Variants in NRG2 observed in about 807,000 individuals in gnomAD.
The protein encoded by NRG2 is neuregulin 2.
In NRG2, 27 loss-of-function variants were observed where a neutral mutation model predicts 73.9. The observed-to-expected ratio is 0.37, with a 90% CI of 0.27 to 0.50. NRG2 has a LOEUF of 0.50. NRG2 is among the 20% of genes least tolerant of loss of function. The pLI is 0.96. For synonymous variants in NRG2, 532 were observed against 541.0 expected (o/e 0.98, Z 0.23); for missense variants, 1,126 against 1,210.1 (o/e 0.93, Z 1.03).
chr5:139,850,118 C>G (rs1761316973), intron 9 of NRG2, among the ~76,000 whole-genome samples: 1 of 152,240 alleles, frequency 6.6e-6, no homozygotes, highest in Non-Finnish European at 1.5e-5. Flanking sequence ...CCCCTTCCTA[C>G]CACCCATTAA....
At chr5:139,943,294 G>A (rs948200330) in intron 1 of NRG2, among the ~76,000 whole-genome samples, 3 of 151,750 alleles carry the variant, frequency 2.0e-5, no homozygotes, top group South Asian at 2.1e-4. Flanking sequence ...TTACAGGCGC[G>A]TACCACCATG....
At chr5:139,862,478 G>A (rs1473786656) in intron 5 of NRG2, among the ~76,000 whole-genome samples, 1 of 152,222 alleles carries the variant, frequency 6.6e-6, no homozygotes, top group Admixed American at 6.5e-5. Flanking sequence ...TGAGTCACCG[G>A]AAGGTCCTAT....
In NRG2 at chr5:139,848,276, CA is replaced by C; in HGVS notation, c.2193del (p.Ala732ArgfsTer34). 9.0e-7 allele frequency: 1 copy of C among 1,115,380 alleles called. No individual in the cohort carries two copies. Among genetic ancestry groups the C allele is most frequent in the Non-Finnish European group, 1.1e-6 (1 of 915,158 alleles). The allele number at this position is 1,115,380 out of a possible 1,614,324, so 69.1% of individuals were successfully genotyped here. A position where few individuals can be genotyped will look rare whatever the true frequency, so the allele number is the denominator to read the frequency against. ...PPPPPRPRAR[G>X]ASRRTSAGPR... ...GGCCCCGCCGACGTCCTGCGGGACG[CA>C]CCGCGCGCGCGCGGCCGCGGCGGCG... On this transcript the variant is annotated frameshift_variant, in exon 10 of 10. Coordinates refer to ENST00000361474, the MANE Select transcript of NRG2 (RefSeq NM_004883.3). LOFTEE classifies it high-confidence loss of function.
chr5:139,970,724 G>A (rs1755902494), intron 1 of NRG2, among the ~76,000 whole-genome samples: 1 of 152,222 alleles, frequency 6.6e-6, no homozygotes, highest in African/African-American at 2.4e-5. Flanking sequence ...GCCTGTGGTA[G>A]GAAGCAGTGG....
Position 139,906,120 on chromosome 5 carries a change from GC to G in NRG2, c.701-18610del, listed in dbSNP as rs1358485332. On this transcript the variant is annotated intron_variant, in intron 1 of 9. Coordinates refer to ENST00000361474, the MANE Select transcript of NRG2 (RefSeq NM_004883.3). ...CCTCTCGGGTTCAAGCGATTCTCCTGCCTTAGCCTCCTGAGTAGCTGGGATT... is the reference window on the plus strand; with the variant it reads ...CCTCTCGGGTTCAAGCGATTCTCCTGCTTAGCCTCCTGAGTAGCTGGGATT... 2.6e-5 allele frequency among the ~76,000 whole-genome samples: 4 copies of G among 152,162 alleles called. No individual in the cohort carries two copies. In the East Asian group the frequency reaches 7.7e-4, roughly 29 times the overall value.
At chr5:140,028,235 G>A (rs936578911) in intron 1 of NRG2, among the ~76,000 whole-genome samples, 41 of 152,256 alleles carry the variant, frequency 2.7e-4, no homozygotes, top group Admixed American at 5.2e-4. Context: ...ATCATTTTAC[G>A]TGTTGTGTCA....
rs1415608651 is a variant in NRG2 at position 139,915,595 on chromosome 5, G to A, written c.701-28084C>T. ...TCCCAGTACTGCACTCTGACCAGGT[G>A]TCAGGCTGCACTGCCTGATCTACAG... is the stretch of plus-strand genomic sequence containing the variant. On this transcript the variant is annotated intron_variant, in intron 1 of 9. Transcript: ENST00000361474. The surrounding 1 kb of genome is among the most constrained non-coding windows in gnomAD (Gnocchi z 4.0). Among the ~76,000 whole-genome samples, 1 of 152,200 alleles carries A rather than the reference G, an allele frequency of 6.6e-6. No homozygotes were observed. The highest frequency in any genetic ancestry group is 2.4e-5 in the African/African-American group (1 of 41,448).
At chr5:139,877,826 C>T (rs1763278513) in intron 3 of NRG2, among the ~76,000 whole-genome samples, 1 of 152,208 alleles carries the variant, frequency 6.6e-6, no homozygotes, top group Admixed American at 6.5e-5. Flanking sequence ...GGTGAAGTGA[C>T]TTACTCAGGG....
Position 139,961,301 on chromosome 5 carries a change from T to C in NRG2, c.701-73790A>G, listed in dbSNP as rs1046832605. On this transcript the variant is annotated intron_variant, in intron 1 of 9. Transcript: ENST00000361474. ...AGGTTTCGGCAGGGCCTTCTCTCCC[T>C]GACTTGAGCCTCTACTGTCCTGTCT... Among the ~76,000 whole-genome samples, 19 of 152,088 alleles carry C rather than the reference T, an allele frequency of 1.2e-4. 1 individual carries two copies. Among genetic ancestry groups the C allele is most frequent in the Admixed American group, 5.9e-4 (9 of 15,272 alleles).
intron 1 of NRG2, among the ~76,000 whole-genome samples, chr5:139,976,747 A>G (rs1389774541): frequency 6.6e-6 from 1 of 152,240 alleles, no homozygotes. Flanking sequence ...ATCTTTTCCA[A>G]AAGCTTAGAC....
chr5:139,870,082 C>A lies in NRG2; in HGVS notation c.1112+1639G>T, dbSNP rs1442607889. On this transcript the variant is annotated intron_variant, in intron 4 of 9. Coordinates refer to ENST00000361474, the MANE Select transcript of NRG2 (RefSeq NM_004883.3). This position sits in a 1 kb window ranked among gnomAD's most constrained non-coding sequence, Gnocchi z 4.4. ...ACAGGGAGGAGGAGGGTGCAGGAGACAAGGAAATGGGGATGCAGGGCTGGG... is the reference window on the plus strand; with the variant it reads ...ACAGGGAGGAGGAGGGTGCAGGAGAAAAGGAAATGGGGATGCAGGGCTGGG... 6.6e-6 allele frequency among the ~76,000 whole-genome samples: 1 copy of A among 152,086 alleles called. No homozygotes were observed. The highest frequency in any genetic ancestry group is 6.5e-5 in the Admixed American group (1 of 15,282).
chr5:140,009,250 T>C (rs1395770192), intron 1 of NRG2, among the ~76,000 whole-genome samples: 1 of 152,226 alleles, frequency 6.6e-6, no homozygotes, highest in Non-Finnish European at 1.5e-5. Flanking sequence ...ACACATGGAA[T>C]CTCTCACTGT....
At chr5:139,926,910 G>T (rs1026308205) in intron 1 of NRG2, among the ~76,000 whole-genome samples, 1 of 152,154 alleles carries the variant, frequency 6.6e-6, no homozygotes, top group African/African-American at 2.4e-5. Flanking sequence ...TTCCAAAGTG[G>T]ATGTGATGGG....
In NRG2 at chr5:139,851,510, T is replaced by G; in HGVS notation, c.1772+94A>C. 8.4e-7 allele frequency: 1 copy of G among 1,183,978 alleles called. No individual in the cohort carries two copies. Among genetic ancestry groups the G allele is most frequent in the East Asian group, 2.3e-5 (1 of 42,580 alleles). 73.3% of individuals were successfully genotyped at this position (1,183,978 alleles called of 1,614,324 possible). ...TATGAAAAATGGAGATGAGGCTCTTTGGAGTGTTTCTGAGGGGCCCTAAGG... is the reference window on the plus strand; with the variant it reads ...TATGAAAAATGGAGATGAGGCTCTTGGGAGTGTTTCTGAGGGGCCCTAAGG... On this transcript the variant is annotated intron_variant, in intron 9 of 9. Coordinates refer to ENST00000361474, the MANE Select transcript of NRG2 (RefSeq NM_004883.3). The surrounding 1 kb of genome is among the most constrained non-coding windows in gnomAD (Gnocchi z 4.2).
chr5:139,997,917 T>C (rs939564564), intron 1 of NRG2, among the ~76,000 whole-genome samples: 16 of 152,196 alleles, frequency 1.1e-4, no homozygotes, highest in African/African-American at 3.9e-4. Flanking sequence ...GCCCTGAGGA[T>C]TGCCCCTCTA....
chr5:140,004,328 CT>C (rs141133609), intron 1 of NRG2, among the ~76,000 whole-genome samples: 2,693 of 152,314 alleles, frequency 0.018, 90 homozygotes, highest in African/African-American at 0.061. Flanking sequence ...CCACAAACAA[CT>C]TTTGCAGATA....
rs562857382 is a variant in NRG2, at chr5:139,893,306, G to T, written c.701-5795C>A. 7.2e-5 allele frequency among the ~76,000 whole-genome samples: 11 copies of T among 152,308 alleles called. No individual in the cohort carries two copies. In the East Asian group the frequency reaches 1.9e-3, roughly 27 times the overall value. ...CTGCTAATAATAACAATATTGCAAT[G>T]AATTTCTCCATAAATTCAGCTTTGT... On this transcript the variant is annotated intron_variant, in intron 1 of 9. Transcript: ENST00000361474.
intron 1 of NRG2, among the ~76,000 whole-genome samples, chr5:139,936,390 T>C (rs574707092): frequency 6.6e-6 from 1 of 152,268 alleles, no homozygotes; most frequent in Non-Finnish European, 1.5e-5. Context: ...ATGAGCAATG[T>C]TATGCTAATA....
At chr5:139,908,133 C>T (rs1765357332) in intron 1 of NRG2, among the ~76,000 whole-genome samples, 1 of 152,246 alleles carries the variant, frequency 6.6e-6, no homozygotes, top group South Asian at 2.1e-4. Context: ...AGGACCCATG[C>T]TCTTTACTCT....
Sources: gnomAD v4.1 joint callset for allele counts (sites outside exome capture counted in the v4.1 genomes callset) on GRCh38, gnomAD v4.1.1 for gene constraint, Gnocchi (gnomAD v3.1) non-coding constraint, MANE v1.5 for transcripts, NCBI Gene and HGNC (gene_info 2026-07-23, HGNC 2026-07-21) for gene names.